The following DKK2 variants were observed in gnomAD, a reference collection of about 807,000 sequenced individuals.
DKK2 encodes dickkopf-related protein 2.
In DKK2, 11 loss-of-function variants were observed where a neutral mutation model predicts 28.1. That is an observed-to-expected ratio of 0.39 (90% CI 0.25 to 0.65). The LOEUF (loss-of-function observed/expected upper bound fraction) is 0.65, where lower values mean the gene tolerates loss of function less well. Ranked by LOEUF, DKK2 falls within the 30% of genes least tolerant of loss-of-function variation. The pLI, the probability that DKK2 is intolerant of heterozygous loss-of-function variation, is 0.47. For missense variants in DKK2, 326 were observed against 335.5 expected (o/e 0.97, Z 0.22); for synonymous variants, 135 against 126.5 (o/e 1.07, Z -0.45).
chr4:107,035,605 GGTCCCC>G lies in DKK2; in HGVS notation c.-20_-15del. 6.2e-7 allele frequency: 1 copy of G among 1,613,092 alleles called. No homozygotes were observed. Among genetic ancestry groups the G allele is most frequent in the Non-Finnish European group, 8.5e-7 (1 of 1,179,824 alleles). On this transcript the variant is annotated 5_prime_UTR_variant, in exon 1 of 4. Coordinates refer to ENST00000285311, the MANE Select transcript of DKK2 (RefSeq NM_014421.3). ...CAACGCGGCCATCTCCCGGCGAGGG[GGTCCCC>G]AGGAAGACGCAAAGCCCGGAGGGGT...
intron 1 of DKK2, among the ~76,000 whole-genome samples, chr4:107,014,534 A>G (rs778608076): frequency 2.6e-5 from 4 of 151,316 alleles, no homozygotes; most frequent in Non-Finnish European, 5.9e-5. Flanking sequence ...CATGGGGTAC[A>G]AAGTTACAGT....
intron 1 of DKK2, among the ~76,000 whole-genome samples, chr4:106,959,954 C>T (rs1578358053): frequency 6.6e-6 from 1 of 151,780 alleles, no homozygotes; most frequent in South Asian, 2.1e-4. Flanking sequence ...CTGTATAAAA[C>T]TAGTTATGCA....
intron 1 of DKK2, among the ~76,000 whole-genome samples, chr4:106,956,606 T>C (rs1263310254): frequency 6.6e-6 from 1 of 152,028 alleles, no homozygotes; most frequent in Admixed American, 6.6e-5. Context: ...TGCATATCTA[T>C]AACTATCTGA....
At chr4:107,008,137 G>A (rs1723463626) in intron 1 of DKK2, among the ~76,000 whole-genome samples, 1 of 152,108 alleles carries the variant, frequency 6.6e-6, no homozygotes, top group Non-Finnish European at 1.5e-5. Context: ...ACCCATGAAG[G>A]CCACGTAGGT....
chr4:106,935,271 G>C (rs1298118207), intron 1 of DKK2, among the ~76,000 whole-genome samples: 1 of 152,206 alleles, frequency 6.6e-6, no homozygotes, highest in Non-Finnish European at 1.5e-5. Context: ...CCGTGTGCGA[G>C]CCAAAGCAGG....
At chr4:106,965,990 T>C (rs978844025) in intron 1 of DKK2, among the ~76,000 whole-genome samples, 3 of 151,928 alleles carry the variant, frequency 2.0e-5, no homozygotes, top group Non-Finnish European at 4.4e-5. Context: ...TAATCCAGTC[T>C]ATCATTGTTG....
At chr4:107,015,229 A>T (rs1723577660) in intron 1 of DKK2, among the ~76,000 whole-genome samples, 1 of 151,592 alleles carries the variant, frequency 6.6e-6, no homozygotes, top group Non-Finnish European at 1.5e-5. Context: ...GGTATTGTTA[A>T]TATTCTAAAG....
At position 106,946,230 on chromosome 4, in the gene DKK2, ATAATAT is replaced by A. The variant is rs548470606; in HGVS notation, c.223-20287_223-20282del. 4.5e-4 allele frequency among the ~76,000 whole-genome samples: 69 copies of A among 152,212 alleles called. No individual in the cohort carries two copies. In the South Asian group the frequency reaches 9.5e-3, roughly 21 times the overall value. ...AAGAATTCCATCTATTGGATATTTA[ATAATAT>A]TAATATTAAGGAATTATGATTAATT... On this transcript the variant is annotated intron_variant, in intron 1 of 3. Transcript: ENST00000285311.
intron 1 of DKK2, among the ~76,000 whole-genome samples, chr4:106,993,813 G>A (rs1270802357): frequency 2.0e-5 from 3 of 152,156 alleles, no homozygotes; most frequent in Non-Finnish European, 2.9e-5. Flanking sequence ...GTGGTCGGAA[G>A]CTGCGGGGAA....
intron 1 of DKK2, among the ~76,000 whole-genome samples, chr4:107,014,791 T>C (rs569373683): frequency 1.3e-5 from 2 of 151,352 alleles, no homozygotes; most frequent in Admixed American, 1.3e-4. Flanking sequence ...ATTAGTCAAT[T>C]ATAAACAAAA....
At chr4:107,016,818 G>T (rs931454111) in intron 1 of DKK2, among the ~76,000 whole-genome samples, 1 of 152,002 alleles carries the variant, frequency 6.6e-6, no homozygotes. Flanking sequence ...AACCATGGGT[G>T]CAGCAGGTTT....
At chr4:106,951,930 C>A (rs555270800) in intron 1 of DKK2, among the ~76,000 whole-genome samples, 1 of 152,172 alleles carries the variant, frequency 6.6e-6, no homozygotes, top group African/African-American at 2.4e-5. Flanking sequence ...AGTCAATTTG[C>A]TTATTTTGTT....
At chr4:107,007,706 G>C (rs1723457170) in intron 1 of DKK2, among the ~76,000 whole-genome samples, 1 of 152,102 alleles carries the variant, frequency 6.6e-6, no homozygotes, top group Non-Finnish European at 1.5e-5. Flanking sequence ...ATCATCTGAA[G>C]ACCTTTATAA....
At chr4:106,967,736 C>G (rs1654385343) in intron 1 of DKK2, among the ~76,000 whole-genome samples, 1 of 145,472 alleles carries the variant, frequency 6.9e-6, no homozygotes, top group African/African-American at 2.6e-5. Flanking sequence ...GAGGAAGGAA[C>G]AGAGGGAGGG....
At chr4:106,953,487 G>A (rs568716809) in intron 1 of DKK2, among the ~76,000 whole-genome samples, 1 of 152,252 alleles carries the variant, frequency 6.6e-6, no homozygotes, top group East Asian at 1.9e-4. Context: ...GTGGGGAGGG[G>A]AGCAAAGAAG....
intron 1 of DKK2, among the ~76,000 whole-genome samples, chr4:107,027,633 C>A (rs1407555006): frequency 6.6e-6 from 1 of 152,076 alleles, no homozygotes; most frequent in African/African-American, 2.4e-5. Flanking sequence ...TGTGCAGGGG[C>A]TATCTCACTT....
chr4:106,997,078 T>A (rs1288406294), intron 1 of DKK2, among the ~76,000 whole-genome samples: 11 of 152,130 alleles, frequency 7.2e-5, no homozygotes, highest in East Asian at 1.9e-4. Context: ...CATTTTTTTT[T>A]AAAGAAATCT....
chr4:106,924,464 TA>T (rs1388728521), intron 3 of DKK2, 80 bp downstream of exon 3: 4 of 1,498,386 alleles, frequency 2.7e-6, no homozygotes, highest in Non-Finnish European at 3.6e-6. Context: ...TAATTTTTTC[TA>T]AAACCAATGG....
chr4:106,925,781 C>G lies in DKK2; in HGVS notation c.373+18G>C, dbSNP rs780907707. 1 of 1,600,100 alleles carries G rather than the reference C, an allele frequency of 6.2e-7. No homozygotes were observed. On this transcript the variant is annotated intron_variant, in intron 2 of 3. Coordinates refer to ENST00000285311, the MANE Select transcript of DKK2 (RefSeq NM_014421.3). The stretch of plus-strand genomic sequence containing the variant: ...ATGAAAAGAAAGAGGCCCATTAACA[C>G]TTAGTGAGATCTTTTACCATTATTG...
Sources: allele counts gnomAD v4.1 joint callset (sites outside exome capture counted in the v4.1 genomes callset), GRCh38; gene constraint gnomAD v4.1.1; transcripts MANE v1.5; gene names NCBI Gene and HGNC (gene_info 2026-07-23, HGNC 2026-07-21).